SLC18B1: variants seen among roughly 807,000 people sequenced by gnomAD.
SLC18B1 encodes solute carrier family 18 member B1.
In SLC18B1, 62 loss-of-function variants were observed where a neutral mutation model predicts 53.9. The observed-to-expected ratio is 1.15, with a 90% CI of 0.94 to 1.42. SLC18B1 has a LOEUF of 1.42. Among genes scored for constraint, SLC18B1 ranks in the 40% most tolerant of loss-of-function variants. SLC18B1 has a pLI of 0.00. For synonymous variants in SLC18B1, 217 were observed against 200.9 expected, an observed-to-expected ratio of 1.08 and a Z score of -0.68; for missense variants, 598 against 547.3, an observed-to-expected ratio of 1.09 and a Z score of -0.93.
At chr6:132,772,103 AAAAAG>A in intron 11 of SLC18B1, 24 bp downstream of exon 11, 1 of 1,520,956 alleles carries the variant, frequency 6.6e-7, no homozygotes. Context: ...AAAAAAAAAA[AAAAAG>A]AAAGAAATTA....
At chr6:132,794,732 C>T (rs1351620786) in intron 2 of SLC18B1, among the ~76,000 whole-genome samples, 1 of 152,186 alleles carries the variant, frequency 6.6e-6, no homozygotes, top group Non-Finnish European at 1.5e-5. Context: ...TGCGGTGGCT[C>T]ACACCTGTAA....
chr6:132,772,207 C>T lies in SLC18B1; in HGVS notation c.1086-1G>A. The T allele has an allele frequency of 1.3e-6, 2 of 1,557,116 alleles. No homozygotes were observed. The highest frequency in any genetic ancestry group is 1.7e-6 in the Non-Finnish European group (2 of 1,159,226). On this transcript the variant is annotated splice_acceptor_variant, in intron 10 of 13. Coordinates refer to ENST00000275227, the MANE Select transcript of SLC18B1 (RefSeq NM_052831.3). LOFTEE classifies it high-confidence loss of function. ...TAATCCCTCTTCAAACCCATTTTCA[C>T]TGCAAAAAGAGACATGAGTGTATCC... is the stretch of plus-strand genomic sequence containing the variant.
Position 132,780,575 on chromosome 6 carries a change from T to G in SLC18B1, c.659-1171A>C, listed in dbSNP as rs1039042999. On this transcript the variant is annotated intron_variant, in intron 6 of 13. Transcript: ENST00000275227. The stretch of plus-strand genomic sequence containing the variant: ...TAAACCGTGGTGTTAGTTTTTTTTT[T>G]TTTTTTTTTTTTTTGAGACAGTAGT... 1.1e-4 allele frequency among the ~76,000 whole-genome samples: 16 copies of G among 145,754 alleles called. 1 individual carries two copies. The highest frequency in any genetic ancestry group is 2.2e-4 in the South Asian group (1 of 4,632).
chr6:132,779,140 G>T lies in SLC18B1; in HGVS notation c.795+128C>A, dbSNP rs565324648. On this transcript the variant is annotated intron_variant, in intron 7 of 13. Coordinates refer to ENST00000275227, the MANE Select transcript of SLC18B1 (RefSeq NM_052831.3). ...ACGGTAGAGAGGGACACGCTACCTC[G>T]GTGTGTAGTGCCCATTCTACCTTCT... The T allele has an allele frequency of 7.0e-6, 7 of 996,566 alleles. No homozygotes were observed. In the East Asian group the frequency reaches 7.7e-5, roughly 11 times the overall value. 61.7% of individuals were successfully genotyped at this position (996,566 alleles called of 1,614,324 possible). A position where few individuals can be genotyped will look rare whatever the true frequency, so the allele number is the denominator to read the frequency against.
chr6:132,794,908 G>A (rs927584153), intron 2 of SLC18B1, among the ~76,000 whole-genome samples: 3 of 152,136 alleles, frequency 2.0e-5, no homozygotes, highest in Admixed American at 6.5e-5. Flanking sequence ...GGGGGCTGAG[G>A]CGAAAGGATC....
intron 5 of SLC18B1, among the ~76,000 whole-genome samples, chr6:132,786,110 A>C (rs926150572): frequency 6.6e-6 from 1 of 152,118 alleles, no homozygotes; most frequent in Admixed American, 6.6e-5. Flanking sequence ...CCCTTATCTT[A>C]ATGAGCATAT....
intron 7 of SLC18B1, among the ~76,000 whole-genome samples, chr6:132,776,829 C>T (rs772319836): frequency 1.3e-5 from 2 of 152,122 alleles, no homozygotes; most frequent in African/African-American, 4.8e-5. Flanking sequence ...CTAAAGATTT[C>T]TTAGGTTGGA....
rs1219234198 is a variant in SLC18B1 at position 132,779,168 on chromosome 6, T to C, written c.795+100A>G. ...GTGTAGTGCCCATTCTACCTTCTTCTCCCAGCCACGCAAGGGTCTTTCCAC... is the reference window on the plus strand; with the variant it reads ...GTGTAGTGCCCATTCTACCTTCTTCCCCCAGCCACGCAAGGGTCTTTCCAC... On this transcript the variant is annotated intron_variant, in intron 7 of 13. Transcript: ENST00000275227. 3 of 1,415,842 alleles carry C rather than the reference T, an allele frequency of 2.1e-6. 1 individual carries two copies. The Admixed American group carries it at 5.9e-5, about 28-fold the overall frequency. The allele number at this position is 1,415,842 out of a possible 1,614,324, so 87.7% of individuals were successfully genotyped here.
chr6:132,789,568 C>T lies in SLC18B1; in HGVS notation c.353+196G>A, dbSNP rs769827273. Reference sequence around the variant, plus strand: ...TCAGTAGCAAGCATCACGGAGATCCCCCGGAGGCCTGTTTCCTTAAAATCA... The same window carrying T: ...TCAGTAGCAAGCATCACGGAGATCCTCCGGAGGCCTGTTTCCTTAAAATCA... On this transcript the variant is annotated intron_variant, in intron 4 of 13. Coordinates refer to ENST00000275227, the MANE Select transcript of SLC18B1 (RefSeq NM_052831.3). 1.0e-5 allele frequency: 5 copies of T among 494,872 alleles called. No homozygotes were observed. In the South Asian group the frequency reaches 1.6e-4, roughly 16 times the overall value. The allele number at this position is 494,872 out of a possible 1,614,324, so 30.7% of individuals were successfully genotyped here. A position where few individuals can be genotyped will look rare whatever the true frequency, so the allele number is the denominator to read the frequency against.
intron 4 of SLC18B1, among the ~76,000 whole-genome samples, chr6:132,788,313 A>G (rs1419193265): frequency 6.6e-6 from 1 of 152,048 alleles, no homozygotes; most frequent in Admixed American, 6.6e-5. Context: ...AACTGTACTC[A>G]CTAAAAAGAA....
chr6:132,780,557 T>C (rs945553773), intron 6 of SLC18B1, among the ~76,000 whole-genome samples: 2 of 147,344 alleles, frequency 1.4e-5, no homozygotes, highest in Admixed American at 6.9e-5. Flanking sequence ...AGTTAAACCG[T>C]GGTGTTAGTT....
chr6:132,773,580 T>C (rs897763290), intron 9 of SLC18B1, among the ~76,000 whole-genome samples: 3 of 152,226 alleles, frequency 2.0e-5, no homozygotes, highest in African/African-American at 2.4e-5. Flanking sequence ...GTAATGTAAG[T>C]ACTATTATCA....
At chr6:132,792,601 A>G (rs1445133212) in intron 2 of SLC18B1, among the ~76,000 whole-genome samples, 1 of 152,192 alleles carries the variant, frequency 6.6e-6, no homozygotes, top group East Asian at 1.9e-4. Context: ...AATTAAATAA[A>G]GGATACATTT....
At chr6:132,786,470 A>G (rs1781375121) in intron 5 of SLC18B1, among the ~76,000 whole-genome samples, 1 of 149,712 alleles carries the variant, frequency 6.7e-6, no homozygotes, top group Admixed American at 6.7e-5. Context: ...AATAGCGTGA[A>G]CCCGGGAGGC....
intron 2 of SLC18B1, among the ~76,000 whole-genome samples, chr6:132,790,970 T>C (rs1264561367): frequency 6.6e-6 from 1 of 152,228 alleles, no homozygotes; most frequent in Non-Finnish European, 1.5e-5. Context: ...ATATTTATCA[T>C]AAATCTACTT....
chr6:132,788,094 C>T (rs900693265), intron 4 of SLC18B1, among the ~76,000 whole-genome samples: 1 of 150,858 alleles, frequency 6.6e-6, no homozygotes, highest in Admixed American at 6.6e-5. Flanking sequence ...CTGGGCGGCG[C>T]AGTTTGCAGT....
chr6:132,774,169 G>A (rs374288748), intron 9 of SLC18B1, 53 bp downstream of exon 9: 1,040 of 1,423,830 alleles, frequency 7.3e-4, no homozygotes, highest in Middle Eastern at 1.1e-3. Flanking sequence ...AAAATTTTTC[G>A]AAATAATTCC....
chr6:132,796,943 C>A (rs41286188), intron 2 of SLC18B1, 39 bp downstream of exon 2: 66 of 1,554,404 alleles, frequency 4.2e-5, no homozygotes, highest in African/African-American at 1.4e-4. Context: ...AACAAACAAA[C>A]AAAAAAACAG....
chr6:132,772,305 T>C lies in SLC18B1; in HGVS notation c.1086-99A>G, dbSNP rs73772947. Reference sequence around the variant, plus strand: ...CAATTAAGATAAACCAAGGATAATCTGGAAAAAAACCAACAGCAAGAATAC... The same window carrying C: ...CAATTAAGATAAACCAAGGATAATCCGGAAAAAAACCAACAGCAAGAATAC... On this transcript the variant is annotated intron_variant, in intron 10 of 13. Transcript: ENST00000275227. 9,851 of 689,040 alleles carry C rather than the reference T, an allele frequency of 0.014. 775 individuals are homozygous for C. In the African/African-American group the frequency reaches 0.17, roughly 12 times the overall value. 42.7% of individuals were successfully genotyped at this position (689,040 alleles called of 1,614,324 possible).
Sources: gnomAD v4.1 joint callset for allele counts (sites outside exome capture counted in the v4.1 genomes callset) on GRCh38, gnomAD v4.1.1 for gene constraint, MANE v1.5 for transcripts, NCBI Gene and HGNC (gene_info 2026-07-23, HGNC 2026-07-21) for gene names.